Variants in CCDC191 observed in about 807,000 individuals in gnomAD.
CCDC191 encodes coiled-coil domain-containing protein 191.
In CCDC191, 99 loss-of-function variants were observed where a neutral mutation model predicts 114.0. The ratio of observed to expected loss-of-function variants is 0.87; its 90% CI spans 0.74 to 1.03. CCDC191 has a LOEUF of 1.03. Among genes scored for constraint, CCDC191 ranks in the 50% least tolerant of loss-of-function variants. The pLI, the probability that CCDC191 is intolerant of heterozygous loss-of-function variation, is 0.00. For synonymous variants in CCDC191, 351 were observed against 376.0 expected, an observed-to-expected ratio of 0.93 and a Z score of 0.77; for missense variants, 973 against 1,087.0, an observed-to-expected ratio of 0.90 and a Z score of 1.47.
chr3:114,004,297 T>G (rs12492484), intron 11 of CCDC191: 1 of 999,298 alleles, frequency 1.0e-6, no homozygotes, highest in Non-Finnish European at 1.2e-6. Context: ...TCAGTGTTTG[T>G]CCTTGGCAGT....
chr3:113,988,506 A>T lies in CCDC191; in HGVS notation c.2164-7713T>A, dbSNP rs1226945290. Among the ~76,000 whole-genome samples the T allele has an allele frequency of 2.0e-5, 3 of 151,650 alleles. No individual in the cohort carries two copies. The East Asian group carries it at 5.9e-4, about 30-fold the overall frequency. On this transcript the variant is annotated intron_variant, in intron 13 of 16. Transcript: ENST00000295878. The stretch of plus-strand genomic sequence containing the variant: ...CCAGGCGTGGTGGTGCGTGCCTGTA[A>T]TCCCAGCTACTCAGAAGGCTGAGGC...
At chr3:113,977,769 C>T (rs1193766102) in intron 16 of CCDC191, among the ~76,000 whole-genome samples, 1 of 152,038 alleles carries the variant, frequency 6.6e-6, no homozygotes, top group Non-Finnish European at 1.5e-5. Context: ...TACAGTCATT[C>T]GTTAAGCTGT....
chr3:114,011,094 A>G (rs1033960441), intron 8 of CCDC191, 73 bp from the exon 9 acceptor site: 27 of 1,484,952 alleles, frequency 1.8e-5, no homozygotes, highest in East Asian at 4.5e-5. Flanking sequence ...TAAATGAAAC[A>G]TAAGTCCAAA....
intron 7 of CCDC191, among the ~76,000 whole-genome samples, chr3:114,023,062 A>G (rs1381274135): frequency 3.3e-5 from 5 of 151,970 alleles, no homozygotes; most frequent in African/African-American, 9.7e-5. Context: ...TTATACACCA[A>G]TAACAAACAG....
intron 4 of CCDC191, among the ~76,000 whole-genome samples, chr3:114,041,453 C>T (rs778062306): frequency 6.6e-5 from 10 of 152,264 alleles, no homozygotes; most frequent in Admixed American, 3.9e-4. Context: ...TCTTAATTCT[C>T]CTAACTAACG....
At chr3:113,986,645 T>G (rs2075369190) in intron 13 of CCDC191, among the ~76,000 whole-genome samples, 1 of 152,178 alleles carries the variant, frequency 6.6e-6, no homozygotes, top group African/African-American at 2.4e-5. Flanking sequence ...GTTACTGTGT[T>G]GAAGCCCTAA....
chr3:113,968,630 T>G (rs992846774), intron 16 of CCDC191, among the ~76,000 whole-genome samples: 2 of 150,342 alleles, frequency 1.3e-5, no homozygotes, highest in African/African-American at 2.5e-5. Context: ...TTTTTTGTTT[T>G]TTTTTTTTTG....
In CCDC191 at chr3:114,056,449, C is replaced by T. The variant is rs1258758228; in HGVS notation, c.18G>A (p.Gln6=). MLLAP[Q]GRSFSKKRMG... is the part of the protein sequence containing the mutation. ...TCCTTTTCTTTGAGAAGGACCTTCC[C>T]TGAGGCGCCAGGAGCATTTTCCAAG... Residue 6 remains glutamine, a synonymous_variant, in exon 1 of 17, where the codon CAG becomes CAA. Transcript: ENST00000295878. 2 of 1,614,054 alleles carry T rather than the reference C, an allele frequency of 1.2e-6. No individual in the cohort carries two copies. The highest frequency in any genetic ancestry group is 1.3e-5 in the African/African-American group (1 of 74,920).
intron 4 of CCDC191, among the ~76,000 whole-genome samples, chr3:114,037,401 T>C (rs1352029700): frequency 6.6e-6 from 1 of 152,222 alleles, no homozygotes; most frequent in African/African-American, 2.4e-5. Context: ...CATACACTTA[T>C]ATACACTGTA....
chr3:114,033,895 G>C (rs548996345), intron 6 of CCDC191, among the ~76,000 whole-genome samples: 1 of 152,204 alleles, frequency 6.6e-6, no homozygotes, highest in East Asian at 1.9e-4. Flanking sequence ...AGCACAGGGG[G>C]GAAAGCTGTG....
chr3:114,041,352 T>C lies in CCDC191; in HGVS notation c.415+1351A>G, dbSNP rs115914460. On this transcript the variant is annotated intron_variant, in intron 4 of 16. Coordinates refer to ENST00000295878, the MANE Select transcript of CCDC191 (RefSeq NM_020817.2). ...ATAGAACTATATGAGTGGTCAAATATGGTAACAACTCCTACAAAAAATAAA... is the reference window on the plus strand; with the variant it reads ...ATAGAACTATATGAGTGGTCAAATACGGTAACAACTCCTACAAAAAATAAA... 3.4e-3 allele frequency among the ~76,000 whole-genome samples: 525 copies of C among 152,348 alleles called. 2 individuals carry two copies. Among genetic ancestry groups the C allele is most frequent in the African/African-American group, 0.012 (503 of 41,590 alleles).
chr3:113,979,945 TA>T (rs1462842525), intron 14 of CCDC191, among the ~76,000 whole-genome samples: 1 of 152,246 alleles, frequency 6.6e-6, no homozygotes, highest in Non-Finnish European at 1.5e-5. Flanking sequence ...CTCTCTGCAG[TA>T]GAGTGAATTA....
intron 2 of CCDC191, 55 bp downstream of exon 2, chr3:114,053,542 C>A (rs942701267): frequency 9.6e-6 from 10 of 1,040,348 alleles, no homozygotes; most frequent in Non-Finnish European, 1.3e-5. Context: ...TCTTTTCCAT[C>A]TGATTATGCT....
chr3:114,034,175 T>C (rs781247250), intron 6 of CCDC191, among the ~76,000 whole-genome samples: 4 of 152,212 alleles, frequency 2.6e-5, no homozygotes. Context: ...CAGTGGTGAC[T>C]TTCCATATGT....
intron 13 of CCDC191, among the ~76,000 whole-genome samples, chr3:113,994,214 C>CA (rs1479178997): frequency 2.0e-5 from 3 of 151,980 alleles, no homozygotes; most frequent in Non-Finnish European, 4.4e-5. Context: ...AATAAGTAAA[C>CA]AAAAAATGGA....
intron 4 of CCDC191, among the ~76,000 whole-genome samples, chr3:114,042,375 T>A (rs1207602895): frequency 1.3e-5 from 2 of 152,192 alleles, no homozygotes; most frequent in Non-Finnish European, 2.9e-5. Context: ...TGTCTAGAGA[T>A]GATTTAAAGT....
intron 16 of CCDC191, among the ~76,000 whole-genome samples, chr3:113,973,174 G>C (rs1326399520): frequency 1.3e-5 from 2 of 152,116 alleles, no homozygotes; most frequent in Non-Finnish European, 2.9e-5. Flanking sequence ...TTCTCAGGTA[G>C]TATGTTTTAA....
chr3:113,984,315 TAGAAG>T (rs1314199637), intron 13 of CCDC191: 1 of 152,002 alleles, frequency 6.6e-6, no homozygotes, highest in African/African-American at 2.4e-5. Flanking sequence ...CCCGCCCAAA[TAGAAG>T]AGGTTAAGCA....
chr3:114,001,456 A>C lies in CCDC191; in HGVS notation c.2163+139T>G, dbSNP rs111936772. 5,299 of 1,240,754 alleles carry C rather than the reference A, an allele frequency of 4.3e-3. 20 individuals are homozygous for C. Among genetic ancestry groups the C allele is most frequent in the Non-Finnish European group, 5.3e-3 (4,876 of 921,904 alleles). The allele number at this position is 1,240,754 out of a possible 1,614,324, so 76.9% of individuals were successfully genotyped here. A position where few individuals can be genotyped will look rare whatever the true frequency, so the allele number is the denominator to read the frequency against. On this transcript the variant is annotated intron_variant, in intron 13 of 16. Coordinates refer to ENST00000295878, the MANE Select transcript of CCDC191 (RefSeq NM_020817.2). ...CTGAAGAATGAGTAGCTTTTCACTAAGTAAGATAGAGAAAAGAAGTGAGGG... is the reference window on the plus strand; with the variant it reads ...CTGAAGAATGAGTAGCTTTTCACTACGTAAGATAGAGAAAAGAAGTGAGGG...
Sources: gnomAD v4.1 joint callset for allele counts (sites outside exome capture counted in the v4.1 genomes callset) on GRCh38, gnomAD v4.1.1 for gene constraint, MANE v1.5 for transcripts, NCBI Gene and HGNC (gene_info 2026-07-23, HGNC 2026-07-21) for gene names.